Variants in MOSMO observed in about 807,000 individuals in gnomAD.
The protein encoded by MOSMO is modulator of smoothened protein.
In MOSMO, 5 loss-of-function variants were observed where a neutral mutation model predicts 18.4. The ratio of observed to expected loss-of-function variants is 0.27; its 90% CI spans 0.14 to 0.57. The LOEUF (loss-of-function observed/expected upper bound fraction) is 0.57. MOSMO is among the 20% of genes least tolerant of loss of function. The pLI is 0.92. For missense variants in MOSMO, 138 were observed against 211.8 expected, an observed-to-expected ratio of 0.65 and a Z score of 2.16; for synonymous variants, 82 against 82.3, an observed-to-expected ratio of 1.00 and a Z score of 0.02.
At chr16:22,032,986 A>G (rs1156672699) in intron 1 of MOSMO, among the ~76,000 whole-genome samples, 1 of 152,336 alleles carries the variant, frequency 6.6e-6, no homozygotes, top group East Asian at 1.9e-4. Flanking sequence ...TTGAAAATCA[A>G]CTGATCATAA....
At chr16:22,016,683 T>G (rs185697947) in intron 1 of MOSMO, among the ~76,000 whole-genome samples, 2 of 152,164 alleles carry the variant, frequency 1.3e-5, no homozygotes, top group Non-Finnish European at 2.9e-5. Flanking sequence ...CAAACCAACA[T>G]GTAGCCAAGT....
chr16:22,030,680 C>T (rs946126113), intron 1 of MOSMO, among the ~76,000 whole-genome samples: 2 of 152,144 alleles, frequency 1.3e-5, no homozygotes, highest in Admixed American at 1.3e-4. Context: ...CAGGCATGCT[C>T]ACCACACCTG....
At chr16:22,043,929 G>T (rs1317360414) in intron 1 of MOSMO, among the ~76,000 whole-genome samples, 1 of 152,146 alleles carries the variant, frequency 6.6e-6, no homozygotes. Flanking sequence ...ACAGTTCCAC[G>T]TGACTGGGGA....
At chr16:22,016,520 A>G (rs1215891565) in intron 1 of MOSMO, among the ~76,000 whole-genome samples, 1 of 152,226 alleles carries the variant, frequency 6.6e-6, no homozygotes, top group African/African-American at 2.4e-5. Flanking sequence ...GAGAGACTGC[A>G]TAGTCAGTTG....
intron 2 of MOSMO, among the ~76,000 whole-genome samples, chr16:22,078,459 A>G (rs1901015541): frequency 6.6e-6 from 1 of 152,156 alleles, no homozygotes; most frequent in African/African-American, 2.4e-5. Flanking sequence ...GCCTTTTCTA[A>G]CAAATTTGGA....
downstream of MOSMO, chr16:22,090,380 G>A (rs1171053061): frequency 6.6e-6 from 1 of 152,120 alleles, no homozygotes; most frequent in Non-Finnish European, 1.5e-5. Context: ...ACCAGTTTGA[G>A]TTGGGTTTCT....
At chr16:22,032,380 T>C (rs1160153938) in intron 1 of MOSMO, among the ~76,000 whole-genome samples, 2 of 152,056 alleles carry the variant, frequency 1.3e-5, no homozygotes, top group Non-Finnish European at 2.9e-5. Flanking sequence ...TTAGTAGAGA[T>C]GGCTTTTTGC....
intron 1 of MOSMO, among the ~76,000 whole-genome samples, chr16:22,068,741 G>A (rs1567513523): frequency 6.6e-6 from 1 of 151,926 alleles, no homozygotes; most frequent in African/African-American, 2.4e-5. Flanking sequence ...TCATTGTATG[G>A]CTATTTTGTT....
At chr16:22,068,265 G>A (rs1197246743) in intron 1 of MOSMO, among the ~76,000 whole-genome samples, 2 of 152,190 alleles carry the variant, frequency 1.3e-5, no homozygotes, top group Non-Finnish European at 2.9e-5. Context: ...AGAGAATGGA[G>A]CTATATTGGA....
chr16:22,090,205 C>T (rs1320958250), downstream of MOSMO: 1 of 152,214 alleles, frequency 6.6e-6, no homozygotes, highest in East Asian at 1.9e-4. Context: ...CTGGCAGCCA[C>T]ACCTGAAGAG....
intron 1 of MOSMO, among the ~76,000 whole-genome samples, chr16:22,013,885 G>T (rs570974466): frequency 6.6e-6 from 1 of 151,396 alleles, no homozygotes; most frequent in Non-Finnish European, 1.5e-5. Context: ...CTGTTTGGGG[G>T]GGGGGAATCT....
At chr16:22,021,202 A>C (rs1899755889) in intron 1 of MOSMO, among the ~76,000 whole-genome samples, 1 of 152,190 alleles carries the variant, frequency 6.6e-6, no homozygotes, top group African/African-American at 2.4e-5. Flanking sequence ...TAGAATGGTT[A>C]CTGCTCGTTG....
chr16:22,066,175 A>C (rs1384255107), intron 1 of MOSMO, among the ~76,000 whole-genome samples: 2 of 152,104 alleles, frequency 1.3e-5, no homozygotes, highest in East Asian at 3.9e-4. Context: ...GAGAATTGTC[A>C]CTATTTGATC....
chr16:22,061,795 C>A (rs1175275022), intron 1 of MOSMO, among the ~76,000 whole-genome samples: 1 of 152,094 alleles, frequency 6.6e-6, no homozygotes, highest in Non-Finnish European at 1.5e-5. Context: ...ATCATGGCTA[C>A]CACAAATGTA....
At chr16:22,011,344 C>T (rs1024441746) in intron 1 of MOSMO, among the ~76,000 whole-genome samples, 3 of 152,338 alleles carry the variant, frequency 2.0e-5, no homozygotes, top group East Asian at 3.9e-4. Flanking sequence ...GTGAAGGCTT[C>T]ATTCAAGGTT....
chr16:22,010,531 G>T (rs911070437), intron 1 of MOSMO, among the ~76,000 whole-genome samples: 8 of 152,152 alleles, frequency 5.3e-5, no homozygotes, highest in Admixed American at 2.6e-4. Context: ...AGATAAAATA[G>T]ACTAAATGAC....
At chr16:22,047,276 G>A (rs1004868276) in intron 1 of MOSMO, among the ~76,000 whole-genome samples, 5 of 116,046 alleles carry the variant, frequency 4.3e-5, no homozygotes, top group African/African-American at 1.7e-4. Context: ...ACGGAGTCTT[G>A]CTCTGTCGCC....
chr16:22,016,037 G>T (rs1156929974), intron 1 of MOSMO, among the ~76,000 whole-genome samples: 1 of 152,148 alleles, frequency 6.6e-6, no homozygotes, highest in Non-Finnish European at 1.5e-5. Context: ...ACATATATCA[G>T]TTCTCCACTG....
intron 1 of MOSMO, among the ~76,000 whole-genome samples, chr16:22,051,592 C>T (rs1900428829): frequency 6.6e-6 from 1 of 152,004 alleles, no homozygotes; most frequent in Non-Finnish European, 1.5e-5. Flanking sequence ...CATACCTCAC[C>T]CTACACATCT....
Sources: allele counts gnomAD v4.1 joint callset (sites outside exome capture counted in the v4.1 genomes callset), GRCh38; gene constraint gnomAD v4.1.1; transcripts MANE v1.5; gene names NCBI Gene and HGNC (gene_info 2026-07-23, HGNC 2026-07-21).